Variants in ZNF549 observed in about 807,000 individuals in gnomAD.
ZNF549 encodes the protein zinc finger protein 549.
Under a neutral mutation model 11.1 loss-of-function variants are expected in ZNF549, and 11 were observed. That is an observed-to-expected ratio of 0.99 (90% CI 0.62 to 1.64). ZNF549 has a LOEUF of 1.64. Ranked by LOEUF, ZNF549 falls within the 40% of genes most tolerant of loss-of-function variation. The pLI, the probability that ZNF549 is intolerant of heterozygous loss-of-function variation, is 0.00. For missense variants in ZNF549, 748 were observed against 765.1 expected, an observed-to-expected ratio of 0.98 and a Z score of 0.26; for synonymous variants, 266 against 269.1, an observed-to-expected ratio of 0.99 and a Z score of 0.11.
intron 2 of ZNF549, among the ~76,000 whole-genome samples, chr19:57,534,743 C>T (rs760298357): frequency 6.6e-6 from 1 of 152,136 alleles, no homozygotes; most frequent in Non-Finnish European, 1.5e-5. Flanking sequence ...ATTTAGCAAG[C>T]GCTGCCTGGA....
Position 57,538,194 on chromosome 19 carries a change from C to G in ZNF549, c.1190C>G (p.Ser397Cys). Residue 397 changes from serine to cysteine, a missense_variant, in exon 4 of 4, where the codon TCC becomes TGC. Physicochemically the swap from Ser to Cys is moderately radical, Grantham distance 112 (BLOSUM62 -1). Coordinates refer to ENST00000376233, the MANE Select transcript of ZNF549 (RefSeq NM_001199295.2). Reference protein sequence around the residue: ...GAYQCSECGKSFIYKQSLLDH... With the variant: ...GAYQCSECGKCFIYKQSLLDH... ...TATCAGTGCAGTGAATGTGGGAAAT[C>G]CTTCATATACAAACAGTCACTTCTT... 1 of 1,613,808 alleles carries G rather than the reference C, an allele frequency of 6.2e-7. No homozygotes were observed. The highest frequency in any genetic ancestry group is 8.5e-7 in the Non-Finnish European group (1 of 1,179,944).
intron 1 of ZNF549, among the ~76,000 whole-genome samples, chr19:57,530,421 T>A (rs2089899302): frequency 6.6e-6 from 1 of 152,154 alleles, no homozygotes; most frequent in Non-Finnish European, 1.5e-5. Context: ...ACATCCATTA[T>A]CATAAACTGG....
intron 1 of ZNF549, among the ~76,000 whole-genome samples, chr19:57,528,971 A>G (rs1056440886): frequency 3.3e-5 from 5 of 152,360 alleles, no homozygotes; most frequent in African/African-American, 1.2e-4. Context: ...CATGGACCGC[A>G]TAACAACAGT....
rs774081911 is a variant in ZNF549 at position 57,537,573 on chromosome 19, AT to A, written c.573del (p.Pro192GlnfsTer65). ...TTCCCATGCAAAGATGTTGAGAAGG[AT>A]TTTCCAACCATCCTGGGCCTTCTCC... ...NLFPCKDVEK[D>X]FPTILGLLQH... On this transcript the variant is annotated frameshift_variant, in exon 4 of 4. Transcript: ENST00000376233. LOFTEE classifies it low-confidence loss of function (END_TRUNC). The A allele has an allele frequency of 6.2e-7, 1 of 1,614,196 alleles. No homozygotes were observed. Among genetic ancestry groups the A allele is most frequent in the Non-Finnish European group, 8.5e-7 (1 of 1,180,034 alleles).
At chr19:57,534,645 G>T (rs376578105) in intron 2 of ZNF549, among the ~76,000 whole-genome samples, 73 of 152,320 alleles carry the variant, frequency 4.8e-4, no homozygotes, top group African/African-American at 1.7e-3. Flanking sequence ...AAAGAGCCAG[G>T]CCACATGGGG....
Position 57,527,454 on chromosome 19 carries a change from G to A in ZNF549, c.-120G>A, listed in dbSNP as rs2089882315. ...CCGGAAACCGGTGGAGGTGGTGTCC[G>A]CCCGCAGAGGAGCTTGCCTGGTCTC... On this transcript the variant is annotated 5_prime_UTR_variant, in exon 1 of 4. Transcript: ENST00000376233. 2 of 1,403,160 alleles carry A rather than the reference G, an allele frequency of 1.4e-6. No homozygotes were observed. Among genetic ancestry groups the A allele is most frequent in the African/African-American group, 1.4e-5 (1 of 69,828 alleles). 86.9% of individuals were successfully genotyped at this position (1,403,160 alleles called of 1,614,324 possible).
In ZNF549 at chr19:57,538,831, A is replaced by C. The variant is rs758084586; in HGVS notation, c.1827A>C (p.Gly609=). 6 of 1,614,100 alleles carry C rather than the reference A, an allele frequency of 3.7e-6. No individual in the cohort carries two copies. Among genetic ancestry groups the C allele is most frequent in the Non-Finnish European group, 4.2e-6 (5 of 1,180,048 alleles). ...KLVEHQRIHT[G]EKPYECGKCG... is the part of the protein sequence containing the mutation. ...TTGAGCATCAGCGAATCCACACCGG[A>C]GAAAAGCCGTATGAATGTGGTAAAT... Residue 609 remains glycine (G), a synonymous_variant, in exon 4 of 4, where the codon GGA becomes GGC. Transcript: ENST00000376233.
rs766416847 is a variant in ZNF549 at position 57,538,590 on chromosome 19, G to A, written c.1586G>A (p.Cys529Tyr). The A allele has an allele frequency of 6.2e-7, 1 of 1,614,074 alleles. No individual in the cohort carries two copies. Among genetic ancestry groups the A allele is most frequent in the African/African-American group, 1.3e-5 (1 of 74,994 alleles). The stretch of plus-strand genomic sequence containing the variant: ...AGAATCCATACTAGAGAACAACTTT[G>A]TGAGTGCAATGAATGTGGAAAAGTC... ...HQRIHTREQL[C>Y]ECNECGKVFS... The change falls in exon 4 of 4, where the codon TGT becomes TAT. Residue 529 changes from cysteine (C) to tyrosine (Y), a missense_variant. By Grantham distance (194) the Cys-to-Tyr change is radical (BLOSUM62 -2). Coordinates refer to ENST00000376233, the MANE Select transcript of ZNF549 (RefSeq NM_001199295.2).
At chr19:57,534,680 T>A (rs899916652) in intron 2 of ZNF549, among the ~76,000 whole-genome samples, 1 of 152,176 alleles carries the variant, frequency 6.6e-6, no homozygotes, top group Non-Finnish European at 1.5e-5. Context: ...GTCCTGAGAC[T>A]GCCTCTGACT....
rs890641296 is a variant in ZNF549, at chr19:57,539,928, TG to T, written c.*1002del. The T allele has an allele frequency of 6.6e-6, 1 of 152,260 alleles. No homozygotes were observed. Among genetic ancestry groups the T allele is most frequent in the African/African-American group, 2.4e-5 (1 of 41,470 alleles). 9.4% of individuals were successfully genotyped at this position (152,260 alleles called of 1,614,324 possible). A position where few individuals can be genotyped will look rare whatever the true frequency, so the allele number is the denominator to read the frequency against. ...TCCCATCCAAAGGTGCATCCAGATA[TG>T]TCTGTGTTACTATGGCTTCATGGTT... On this transcript the variant is annotated 3_prime_UTR_variant, in exon 4 of 4. Transcript: ENST00000376233.
chr19:57,532,092 C>T (rs542325691), intron 2 of ZNF549, among the ~76,000 whole-genome samples: 5 of 152,196 alleles, frequency 3.3e-5, no homozygotes, highest in African/African-American at 7.2e-5. Flanking sequence ...TTGTTCCATG[C>T]GTTGTCTTGT....
intron 2 of ZNF549, 119 bp from the exon 3 acceptor site, chr19:57,535,025 T>C: frequency 7.4e-7 from 1 of 1,348,250 alleles, no homozygotes; most frequent in Non-Finnish European, 1.0e-6. Flanking sequence ...CAGAGCCCAG[T>C]GGGAGACACC....
In ZNF549 at chr19:57,537,682, A is replaced by C; in HGVS notation, c.678A>C (p.Gln226His). ...TFQQRRYKCE[Q>H]VFNEKVHVTE... ...AACAAAGACGTTACAAATGTGAGCA[A>C]GTTTTCAATGAGAAAGTTCATGTTA... The change falls in exon 4 of 4, where the codon CAA becomes CAC. Residue 226 changes from glutamine (Q) to histidine (H), a missense_variant. Physicochemically the swap from Gln to His is conservative, Grantham distance 24. Transcript: ENST00000376233. 1.9e-6 allele frequency: 3 copies of C among 1,614,206 alleles called. No individual in the cohort carries two copies. Among genetic ancestry groups the C allele is most frequent in the Non-Finnish European group, 2.5e-6 (3 of 1,180,040 alleles).
intron 2 of ZNF549, among the ~76,000 whole-genome samples, chr19:57,532,251 A>G (rs564633551): frequency 6.6e-6 from 1 of 152,250 alleles, no homozygotes; most frequent in African/African-American, 2.4e-5. Context: ...TAAACTGGGG[A>G]GTAAATGCCC....
At chr19:57,533,091 C>T (rs1011562561) in intron 2 of ZNF549, among the ~76,000 whole-genome samples, 2 of 152,156 alleles carry the variant, frequency 1.3e-5, no homozygotes, top group Non-Finnish European at 2.9e-5. Context: ...GTGATCCACC[C>T]GCCTTGGCCT....
Position 57,538,029 on chromosome 19 carries a change from G to A in ZNF549, c.1025G>A (p.Arg342His), listed in dbSNP as rs374746805. The A allele has an allele frequency of 1.8e-5, 29 of 1,613,054 alleles. No individual in the cohort carries two copies. The highest frequency in any genetic ancestry group is 1.1e-4 in the South Asian group (10 of 91,042). ...YVCNVCGKSF[R>H]HKQTFVGHQQ... The stretch of plus-strand genomic sequence containing the variant: ...TGCAATGTATGTGGGAAATCATTCC[G>A]CCACAAACAAACATTTGTTGGCCAT... The change falls in exon 4 of 4, where the codon CGC becomes CAC. Residue 342 changes from arginine to histidine, a missense_variant. Physicochemically the swap from Arg to His is conservative, Grantham distance 29 (BLOSUM62 0). Transcript: ENST00000376233.
chr19:57,535,566 C>A (rs1307656386), intron 3 of ZNF549, among the ~76,000 whole-genome samples: 4 of 152,146 alleles, frequency 2.6e-5, no homozygotes, highest in Admixed American at 1.3e-4. Flanking sequence ...TGTGGTGGAC[C>A]TGTGTTACAG....
chr19:57,539,933 G>A lies in ZNF549; in HGVS notation c.*1006G>A, dbSNP rs1002052094. The A allele has an allele frequency of 1.3e-5, 2 of 152,266 alleles. No individual in the cohort carries two copies. The highest frequency in any genetic ancestry group is 2.9e-5 in the Non-Finnish European group (2 of 68,062). 9.4% of individuals were successfully genotyped at this position (152,266 alleles called of 1,614,324 possible). A position where few individuals can be genotyped will look rare whatever the true frequency, so the allele number is the denominator to read the frequency against. ...TCCAAAGGTGCATCCAGATATGTCT[G>A]TGTTACTATGGCTTCATGGTTTGGG... On this transcript the variant is annotated 3_prime_UTR_variant, in exon 4 of 4. Coordinates refer to ENST00000376233, the MANE Select transcript of ZNF549 (RefSeq NM_001199295.2).
At chr19:57,529,601 C>T (rs1231757343) in intron 1 of ZNF549, among the ~76,000 whole-genome samples, 3 of 152,200 alleles carry the variant, frequency 2.0e-5, no homozygotes, top group Non-Finnish European at 4.4e-5. Flanking sequence ...CAATGGTGCA[C>T]TGTTGGCCAG....
Sources: gnomAD v4.1 joint callset for allele counts (sites outside exome capture counted in the v4.1 genomes callset) on GRCh38, gnomAD v4.1.1 for gene constraint, MANE v1.5 for transcripts, NCBI Gene and HGNC (gene_info 2026-07-23, HGNC 2026-07-21) for gene names.